Variants in AP1S3 observed in about 807,000 individuals in gnomAD.
AP1S3 encodes AP-1 complex subunit sigma-3.
Under a neutral mutation model 20.9 loss-of-function variants are expected in AP1S3, and 10 were observed. The observed-to-expected ratio is 0.48, with a 90% CI of 0.29 to 0.81. AP1S3 has a LOEUF of 0.81. AP1S3 is among the 30% of genes least tolerant of loss of function. AP1S3 has a pLI of 0.08. For synonymous variants in AP1S3, 41 were observed against 61.5 expected, an observed-to-expected ratio of 0.67 and a Z score of 1.56; for missense variants, 154 against 183.8, an observed-to-expected ratio of 0.84 and a Z score of 0.94.
chr2:223,756,486 A>G lies in AP1S3; in HGVS notation c.*2229T>C, dbSNP rs58374543. On this transcript the variant is annotated 3_prime_UTR_variant, in exon 5 of 5. Coordinates refer to ENST00000396654, the MANE Select transcript of AP1S3 (RefSeq NM_001039569.2). ...GAAAGAAAAGAAAGAAAGAAAGAAAAAAAGAAAGAAAAAATTCTAACACAT... is the reference window on the plus strand; with the variant it reads ...GAAAGAAAAGAAAGAAAGAAAGAAAGAAAGAAAGAAAAAATTCTAACACAT... The G allele has an allele frequency of 1.5e-4, 133 of 878,484 alleles. No individual in the cohort carries two copies. The highest frequency in any genetic ancestry group is 2.9e-4 in the South Asian group (5 of 17,296). 54.4% of individuals were successfully genotyped at this position (878,484 alleles called of 1,614,324 possible).
intron 4 of AP1S3, among the ~76,000 whole-genome samples, chr2:223,764,185 C>T (rs1690425330): frequency 6.6e-6 from 1 of 150,440 alleles, no homozygotes; most frequent in South Asian, 2.1e-4. Flanking sequence ...TCCCAAAGTG[C>T]TGGGATTACA....
At chr2:223,828,428 C>T (rs550965017) in intron 1 of AP1S3, among the ~76,000 whole-genome samples, 14 of 151,570 alleles carry the variant, frequency 9.2e-5, no homozygotes, top group Non-Finnish European at 2.1e-4. Context: ...TCCCGAGTAA[C>T]CGGGGTTATA....
In AP1S3 at chr2:223,837,554, C is replaced by T. The variant is rs1309672708; in HGVS notation, c.-104G>A. 5.8e-6 allele frequency: 4 copies of T among 690,180 alleles called. No homozygotes were observed. The highest frequency in any genetic ancestry group is 8.2e-6 in the Non-Finnish European group (4 of 490,212). 42.8% of individuals were successfully genotyped at this position (690,180 alleles called of 1,614,324 possible). ...CGGTGCGGCTGACAGGTGAGGCGCC[C>T]GGCTTAGACCATGGCTGCTTCCCAC... On this transcript the variant is annotated 5_prime_UTR_variant, in exon 1 of 5. Coordinates refer to ENST00000396654, the MANE Select transcript of AP1S3 (RefSeq NM_001039569.2).
intron 1 of AP1S3, among the ~76,000 whole-genome samples, chr2:223,832,354 C>CAAACAAAG (rs1553528163): frequency 6.6e-6 from 1 of 151,822 alleles, no homozygotes; most frequent in Non-Finnish European, 1.5e-5. Context: ...ATACTCACCA[C>CAAACAAAG]AAACAAACAA....
intron 1 of AP1S3, among the ~76,000 whole-genome samples, chr2:223,833,783 T>C (rs79836174): frequency 0.014 from 2,161 of 152,334 alleles, 53 homozygotes; most frequent in African/African-American, 0.049. Flanking sequence ...GCATTTACAA[T>C]GGCAAAGCTG....
At chr2:223,809,516 G>T (rs1181516586) in intron 1 of AP1S3, among the ~76,000 whole-genome samples, 1 of 151,626 alleles carries the variant, frequency 6.6e-6, no homozygotes, top group Non-Finnish European at 1.5e-5. Context: ...ATGGTGGCAG[G>T]TGCCTGTAAT....
chr2:223,818,450 G>C (rs944849310), intron 1 of AP1S3, among the ~76,000 whole-genome samples: 77 of 151,222 alleles, frequency 5.1e-4, no homozygotes, highest in African/African-American at 1.7e-3. Flanking sequence ...AAGGTTCCAA[G>C]ATAATGTGGA....
chr2:223,783,440 A>G (rs539246567), intron 1 of AP1S3, among the ~76,000 whole-genome samples: 1 of 152,222 alleles, frequency 6.6e-6, no homozygotes, highest in Non-Finnish European at 1.5e-5. Context: ...CTACTAGAGC[A>G]ATCCTTGGTC....
intron 1 of AP1S3, among the ~76,000 whole-genome samples, chr2:223,799,950 C>T (rs896928075): frequency 1.3e-5 from 2 of 152,148 alleles, no homozygotes; most frequent in African/African-American, 4.8e-5. Flanking sequence ...GTGGCTCACA[C>T]CTGTAATCCC....
At chr2:223,788,100 C>A (rs1691118537) in intron 1 of AP1S3, among the ~76,000 whole-genome samples, 1 of 151,862 alleles carries the variant, frequency 6.6e-6, no homozygotes, top group Non-Finnish European at 1.5e-5. Context: ...ACATGTGCCA[C>A]CATGCCTGGC....
intron 1 of AP1S3, 94 bp downstream of exon 1, chr2:223,837,354 C>A (rs1243188178): frequency 3.0e-6 from 2 of 674,174 alleles, no homozygotes. Flanking sequence ...CGCACCCCCA[C>A]CCGGCCGCGC....
chr2:223,821,258 C>T (rs140479953), intron 1 of AP1S3, among the ~76,000 whole-genome samples: 102 of 152,322 alleles, frequency 6.7e-4, no homozygotes, highest in African/African-American at 2.0e-3. Flanking sequence ...CAGATTCAAG[C>T]GATTTTCCTG....
chr2:223,827,638 A>T (rs7569454), intron 1 of AP1S3, among the ~76,000 whole-genome samples: 24,423 of 147,224 alleles, frequency 0.17, 2,530 homozygotes, highest in East Asian at 0.42. Context: ...TACCCACCTC[A>T]CCCTCCCAAA....
chr2:223,826,346 A>T (rs946736295), intron 1 of AP1S3, among the ~76,000 whole-genome samples: 13 of 152,006 alleles, frequency 8.6e-5, no homozygotes, highest in Non-Finnish European at 1.8e-4. Context: ...TAATCCCAAC[A>T]ATTTGGGAGG....
intron 1 of AP1S3, among the ~76,000 whole-genome samples, chr2:223,817,502 G>GGAGGCT (rs1309363903): frequency 9.3e-5 from 14 of 151,066 alleles, no homozygotes; most frequent in Non-Finnish European, 2.9e-5. Context: ...CAACTACTCG[G>GGAGGCT]GAGGCTGAGG....
intron 1 of AP1S3, among the ~76,000 whole-genome samples, chr2:223,808,896 G>A (rs1437561737): frequency 6.6e-6 from 1 of 152,174 alleles, no homozygotes; most frequent in African/African-American, 2.4e-5. Flanking sequence ...CTGGGAGGCT[G>A]AGGCAGGAGG....
intron 1 of AP1S3, among the ~76,000 whole-genome samples, chr2:223,804,583 T>C (rs1482080357): frequency 3.9e-5 from 6 of 152,120 alleles, no homozygotes; most frequent in Non-Finnish European, 7.4e-5. Flanking sequence ...GGCACATGCC[T>C]ATAGTCTCAG....
At chr2:223,772,055 C>T (rs192594046) in intron 3 of AP1S3, among the ~76,000 whole-genome samples, 18 of 152,238 alleles carry the variant, frequency 1.2e-4, no homozygotes, top group Non-Finnish European at 2.1e-4. Context: ...TGCAGTGAGC[C>T]GAGACCGCGC....
At position 223,794,995 on chromosome 2, in the gene AP1S3, G is replaced by A. The variant is rs568391812; in HGVS notation, c.4-17126C>T. Among the ~76,000 whole-genome samples the A allele has an allele frequency of 3.1e-4, 47 of 152,244 alleles. No individual in the cohort carries two copies. In the South Asian group the frequency reaches 7.5e-3, roughly 24 times the overall value. The stretch of plus-strand genomic sequence containing the variant: ...CTGCAGGCCAGGCGCAGTGGCTCAC[G>A]CCCATAATCCCAACACTTCCAAGGT... On this transcript the variant is annotated intron_variant, in intron 1 of 4. Transcript: ENST00000396654.
Sources: gnomAD v4.1 joint callset for allele counts (sites outside exome capture counted in the v4.1 genomes callset) on GRCh38, gnomAD v4.1.1 for gene constraint, MANE v1.5 for transcripts, NCBI Gene and HGNC (gene_info 2026-07-23, HGNC 2026-07-21) for gene names.